CDC42SE2: variants seen among roughly 807,000 people sequenced by gnomAD.
The protein encoded by CDC42SE2 is CDC42 small effector 2, also known as CDC42 small effector protein 2.
A neutral mutation model predicts 11.5 loss-of-function variants in CDC42SE2; 3 were observed. That is an observed-to-expected ratio of 0.26 (90% CI 0.12 to 0.67). CDC42SE2 has a LOEUF of 0.67. Among genes scored for constraint, CDC42SE2 ranks in the 30% least tolerant of loss-of-function variants. The pLI is 0.80. For missense variants in CDC42SE2, 82 were observed against 106.8 expected (o/e 0.77, Z 1.02); for synonymous variants, 33 against 34.8 (o/e 0.95, Z 0.18).
chr5:131,283,969 G>C (rs934198083), intron 1 of CDC42SE2, among the ~76,000 whole-genome samples: 4 of 152,058 alleles, frequency 2.6e-5, no homozygotes, highest in Non-Finnish European at 4.4e-5. Flanking sequence ...AATTTATCTT[G>C]GGTATATATA....
intron 1 of CDC42SE2, among the ~76,000 whole-genome samples, chr5:131,271,358 G>A (rs1247250715): frequency 2.0e-5 from 3 of 151,878 alleles, no homozygotes; most frequent in Non-Finnish European, 4.4e-5. Flanking sequence ...TCACATCTGA[G>A]GATTTAGCCA....
chr5:131,247,613 C>T (rs1019504879), intron 1 of CDC42SE2, among the ~76,000 whole-genome samples: 3 of 151,482 alleles, frequency 2.0e-5, no homozygotes, highest in Non-Finnish European at 2.9e-5. Context: ...AGCAAGACTC[C>T]GTCTCAGAAA....
intron 2 of CDC42SE2, among the ~76,000 whole-genome samples, chr5:131,322,365 G>A (rs1243949948): frequency 1.3e-5 from 2 of 152,066 alleles, no homozygotes; most frequent in African/African-American, 4.8e-5. Flanking sequence ...CATACTTTAT[G>A]ATTCTATGAA....
intron 3 of CDC42SE2, among the ~76,000 whole-genome samples, chr5:131,380,658 C>CA (rs1289380839): frequency 6.6e-6 from 1 of 152,114 alleles, no homozygotes; most frequent in Non-Finnish European, 1.5e-5. Context: ...GTAAGGTTGA[C>CA]AATCCATTTT....
At chr5:131,333,843 T>C (rs894575917) in intron 2 of CDC42SE2, among the ~76,000 whole-genome samples, 2 of 152,248 alleles carry the variant, frequency 1.3e-5, no homozygotes, top group Admixed American at 6.5e-5. Context: ...AAGTTGCTTA[T>C]CAGCTTAAGG....
At chr5:131,234,937 A>G in the CDC42SE2 span, among the ~76,000 whole-genome samples, 1 of 140,560 alleles carries the variant, frequency 7.1e-6, no homozygotes, top group African/African-American at 2.8e-5. Flanking sequence ...TCGCCCGGCT[A>G]TAGTGCAGTG....
intron 2 of CDC42SE2, among the ~76,000 whole-genome samples, chr5:131,352,519 AAATT>A (rs1231820017): frequency 1.3e-5 from 2 of 152,192 alleles, no homozygotes; most frequent in African/African-American, 2.4e-5. Context: ...TATAAGGAAA[AAATT>A]AACCCTCATA....
At chr5:131,326,756 A>C (rs911261347) in intron 2 of CDC42SE2, among the ~76,000 whole-genome samples, 1 of 151,926 alleles carries the variant, frequency 6.6e-6, no homozygotes, top group Non-Finnish European at 1.5e-5. Context: ...TTTTTACCTT[A>C]AATTTTGTTA....
chr5:131,213,637 G>T, the CDC42SE2 span, among the ~76,000 whole-genome samples: 2 of 151,866 alleles, frequency 1.3e-5, no homozygotes, highest in African/African-American at 2.4e-5. Context: ...GTTTTGTAGA[G>T]ACAGGGTCTC....
intron 2 of CDC42SE2, among the ~76,000 whole-genome samples, chr5:131,327,185 T>A (rs990494259): frequency 6.6e-6 from 1 of 152,318 alleles, no homozygotes; most frequent in East Asian, 1.9e-4. Flanking sequence ...TTTGTTCTTA[T>A]GATGATTGCC....
chr5:131,326,931 CTA>C (rs1187130925), intron 2 of CDC42SE2, among the ~76,000 whole-genome samples: 1 of 151,956 alleles, frequency 6.6e-6, no homozygotes. Flanking sequence ...ATTAAGATTG[CTA>C]TGTTAGCTTT....
At chr5:131,378,573 G>A (rs939341182) in intron 3 of CDC42SE2, among the ~76,000 whole-genome samples, 2 of 152,086 alleles carry the variant, frequency 1.3e-5, no homozygotes, top group Admixed American at 6.6e-5. Flanking sequence ...GAGAAATACC[G>A]TACAGACTTG....
At chr5:131,389,116 G>A (rs557279634) in intron 4 of CDC42SE2, among the ~76,000 whole-genome samples, 9 of 152,276 alleles carry the variant, frequency 5.9e-5, no homozygotes, top group African/African-American at 2.2e-4. Context: ...GATTACAGCT[G>A]TGAGCCACTG....
At chr5:131,304,268 G>C (rs916004711) in intron 1 of CDC42SE2, among the ~76,000 whole-genome samples, 1 of 152,108 alleles carries the variant, frequency 6.6e-6, no homozygotes, top group African/African-American at 2.4e-5. Flanking sequence ...ACAGGCATGA[G>C]ACACTGTACC....
intron 1 of CDC42SE2, among the ~76,000 whole-genome samples, chr5:131,273,138 A>G (rs1011556556): frequency 7.4e-5 from 11 of 148,292 alleles, no homozygotes; most frequent in Admixed American, 6.7e-4. Flanking sequence ...ACATATATAT[A>G]TATTTTACAT....
chr5:131,210,062 C>T, the CDC42SE2 span, among the ~76,000 whole-genome samples: 2 of 152,302 alleles, frequency 1.3e-5, no homozygotes, highest in East Asian at 3.9e-4. Context: ...GTTGCTCCTG[C>T]TCTTGCCCTG....
intron 2 of CDC42SE2, among the ~76,000 whole-genome samples, chr5:131,327,129 A>G (rs1292614974): frequency 6.6e-6 from 1 of 152,186 alleles, no homozygotes; most frequent in African/African-American, 2.4e-5. Context: ...CCTTTTGACT[A>G]ACTCCATTCC....
chr5:131,216,501 C>CAAAAAAAAAAAAAAAAAAAAAAAAAAAA, the CDC42SE2 span, among the ~76,000 whole-genome samples: 2 of 42,172 alleles, frequency 4.7e-5, no homozygotes, highest in African/African-American at 2.1e-4. Context: ...GAACCTGTCT[C>CAAAAAAAAAAAAAAAAAAAAAAAAAAAA]AAAAAAAAAA....
At chr5:131,354,834 T>G in intron 2 of CDC42SE2, 1 of 151,972 alleles carries the variant, frequency 6.6e-6, no homozygotes, top group East Asian at 1.9e-4. Flanking sequence ...TAAAAAAAAA[T>G]TTAAAATTTA....
Sources: gnomAD v4.1 joint callset for allele counts (sites outside exome capture counted in the v4.1 genomes callset) on GRCh38, gnomAD v4.1.1 for gene constraint, MANE v1.5 for transcripts, NCBI Gene and HGNC (gene_info 2026-07-23, HGNC 2026-07-21) for gene names.